The following GRM1 variants were observed in gnomAD, a reference collection of about 807,000 sequenced individuals.
GRM1 encodes the protein metabotropic glutamate receptor 1.
GRM1 carries 33 observed loss-of-function variants against 90.9 expected under a neutral mutation model. The ratio of observed to expected loss-of-function variants is 0.36; its 90% CI spans 0.28 to 0.49. The LOEUF (loss-of-function observed/expected upper bound fraction) is 0.49. Ranked by LOEUF, GRM1 falls within the 20% of genes least tolerant of loss-of-function variation. The probability of loss-of-function intolerance (pLI) is 0.99; values close to 1 mark genes in which losing one functional copy is unlikely to be tolerated. For missense variants in GRM1, 1,190 were observed against 1,534.3 expected (o/e 0.78, Z 3.75); for synonymous variants, 700 against 613.2 (o/e 1.14, Z -2.09).
At chr6:146,386,812 T>G in intron 5 of GRM1, 78 bp from the exon 6 acceptor site, 1 of 1,132,508 alleles carries the variant, frequency 8.8e-7, no homozygotes, top group South Asian at 1.3e-5. Flanking sequence ...ATTCATAATC[T>G]GAAAACAAAT....
At chr6:146,112,410 A>G (rs951967673) in intron 1 of GRM1, among the ~76,000 whole-genome samples, 4 of 152,286 alleles carry the variant, frequency 2.6e-5, no homozygotes, top group African/African-American at 7.2e-5. Flanking sequence ...GATAAGCAGA[A>G]CTAGTGAGTT....
chr6:146,047,570 C>T (rs1257520846), intron 1 of GRM1, among the ~76,000 whole-genome samples: 2 of 46,594 alleles, frequency 4.3e-5, no homozygotes, highest in African/African-American at 1.9e-4. Context: ...GGTCACATGC[C>T]TCAGGAAAAA....
chr6:146,274,872 A>G (rs1274362275), intron 2 of GRM1, among the ~76,000 whole-genome samples: 1 of 152,070 alleles, frequency 6.6e-6, no homozygotes, highest in East Asian at 1.9e-4. Flanking sequence ...ACACTTAGCT[A>G]ACTAAAAATT....
intron 2 of GRM1, among the ~76,000 whole-genome samples, chr6:146,244,633 G>A (rs112716112): frequency 2.4e-4 from 37 of 152,268 alleles, no homozygotes; most frequent in African/African-American, 5.5e-4. Context: ...GGTAGCCTAC[G>A]AATCAGACCA....
At chr6:146,352,152 C>T in intron 3 of GRM1, 98 bp from the exon 4 acceptor site, 3 of 1,259,444 alleles carry the variant, frequency 2.4e-6, no homozygotes, top group African/African-American at 1.5e-5. Flanking sequence ...TTGCTCATTC[C>T]CTTCCTCTGA....
intron 2 of GRM1, among the ~76,000 whole-genome samples, chr6:146,257,999 A>AT (rs1254133299): frequency 1.3e-5 from 2 of 151,930 alleles, no homozygotes; most frequent in South Asian, 2.1e-4. Context: ...AAAAAAAAAA[A>AT]ATAGTTTTTT....
intron 1 of GRM1, among the ~76,000 whole-genome samples, chr6:146,102,469 A>T (rs972354710): frequency 3.3e-5 from 5 of 152,194 alleles, no homozygotes; most frequent in Non-Finnish European, 7.3e-5. Context: ...GGTTAAAAGC[A>T]TCACCCTTTA....
At chr6:146,328,130 A>T (rs1784458600) in intron 3 of GRM1, among the ~76,000 whole-genome samples, 2 of 152,170 alleles carry the variant, frequency 1.3e-5, no homozygotes, top group Non-Finnish European at 2.9e-5. Context: ...GTTTGAAGCT[A>T]CCTTTTCTAT....
chr6:146,118,042 T>A (rs1775823917), intron 1 of GRM1, among the ~76,000 whole-genome samples: 1 of 151,884 alleles, frequency 6.6e-6, no homozygotes, highest in African/African-American at 2.4e-5. Flanking sequence ...TATAAAAAAT[T>A]TTTTTTCAAA....
At chr6:146,211,817 G>A (rs974360813) in intron 2 of GRM1, among the ~76,000 whole-genome samples, 1 of 152,084 alleles carries the variant, frequency 6.6e-6, no homozygotes, top group Non-Finnish European at 1.5e-5. Flanking sequence ...AGATTCCACT[G>A]ACTGGCTTGT....
chr6:146,069,013 T>C (rs1775943013), intron 1 of GRM1, among the ~76,000 whole-genome samples: 1 of 152,270 alleles, frequency 6.6e-6, no homozygotes, highest in Non-Finnish European at 1.5e-5. Flanking sequence ...GTGTTTGTTA[T>C]GAAGCTTCTA....
intron 2 of GRM1, among the ~76,000 whole-genome samples, chr6:146,168,202 A>G (rs937534530): frequency 6.6e-6 from 1 of 152,008 alleles, no homozygotes; most frequent in Non-Finnish European, 1.5e-5. Context: ...TCTTAGATTA[A>G]TTGAATTTTT....
chr6:146,177,424 G>C (rs952779239), intron 2 of GRM1, among the ~76,000 whole-genome samples: 2 of 152,032 alleles, frequency 1.3e-5, no homozygotes, highest in African/African-American at 4.8e-5. Context: ...ATTATTAAAG[G>C]TGTCTTTCTT....
Position 146,162,816 on chromosome 6 carries a change from AAAAAC to A in GRM1, c.950+3240_950+3244del, listed in dbSNP as rs200741221. On this transcript the variant is annotated intron_variant, in intron 2 of 7. Transcript: ENST00000282753. ...TATTGAAAAAATGTGGTGGTAATGAAAAAACAAAACAAAACAAAACAAAACGTGGA... is the reference window on the plus strand; with the variant it reads ...TATTGAAAAAATGTGGTGGTAATGAAAAAACAAAACAAAACAAAACGTGGA... Among the ~76,000 whole-genome samples, 1,176 of 135,880 alleles carry A rather than the reference AAAAAC, an allele frequency of 8.7e-3. 8 individuals are homozygous for A. The highest frequency in any genetic ancestry group is 0.04 in the African/African-American group (1,096 of 27,354). The allele number at this position is 135,880 out of a possible 152,430, so 89.1% of individuals were successfully genotyped here. A position where few individuals can be genotyped will look rare whatever the true frequency, so the allele number is the denominator to read the frequency against.
At chr6:146,344,648 C>T (rs1785105878) in intron 3 of GRM1, among the ~76,000 whole-genome samples, 1 of 152,216 alleles carries the variant, frequency 6.6e-6, no homozygotes, top group Non-Finnish European at 1.5e-5. Context: ...TATTGGGAGA[C>T]ACCATATAAA....
intron 3 of GRM1, among the ~76,000 whole-genome samples, chr6:146,328,790 A>G (rs1299621903): frequency 6.6e-6 from 1 of 151,810 alleles, no homozygotes. Flanking sequence ...CTCTCAAGAT[A>G]CTCATCTCAG....
intron 1 of GRM1, among the ~76,000 whole-genome samples, chr6:146,110,862 C>T (rs966302228): frequency 1.3e-5 from 2 of 152,074 alleles, no homozygotes; most frequent in African/African-American, 4.8e-5. Flanking sequence ...TTAGGAATTG[C>T]AATTTGGGAG....
At chr6:146,409,301 C>A (rs1777474821) in intron 7 of GRM1, among the ~76,000 whole-genome samples, 1 of 151,938 alleles carries the variant, frequency 6.6e-6, no homozygotes, top group Non-Finnish European at 1.5e-5. Flanking sequence ...GTCCAGATAC[C>A]CAAAGAGAAT....
chr6:146,063,475 T>G (rs899825642), intron 1 of GRM1, among the ~76,000 whole-genome samples: 1 of 152,220 alleles, frequency 6.6e-6, no homozygotes, highest in Non-Finnish European at 1.5e-5. Context: ...ACTAAGATTT[T>G]TTCTCAAATC....
Sources: gnomAD v4.1 joint callset for allele counts (sites outside exome capture counted in the v4.1 genomes callset) on GRCh38, gnomAD v4.1.1 for gene constraint, MANE v1.5 for transcripts, NCBI Gene and HGNC (gene_info 2026-07-23, HGNC 2026-07-21) for gene names.